The following CNTNAP5 variants were observed in gnomAD, a reference collection of about 807,000 sequenced individuals.
CNTNAP5 encodes the protein contactin associated protein family member 5.
Under a neutral mutation model 150.2 loss-of-function variants are expected in CNTNAP5, and 72 were observed. The observed-to-expected ratio is 0.48, with a 90% CI of 0.40 to 0.58. The LOEUF (loss-of-function observed/expected upper bound fraction) is 0.58. Among genes scored for constraint, CNTNAP5 ranks in the 20% least tolerant of loss-of-function variants. The pLI, the probability that CNTNAP5 is intolerant of heterozygous loss-of-function variation, is 0.00. For synonymous variants in CNTNAP5, 672 were observed against 619.8 expected, an observed-to-expected ratio of 1.08 and a Z score of -1.25; for missense variants, 1,636 against 1,626.2, an observed-to-expected ratio of 1.01 and a Z score of -0.10.
chr2:124,209,112 T>TATC (rs1685939186), intron 1 of CNTNAP5, among the ~76,000 whole-genome samples: 1 of 152,206 alleles, frequency 6.6e-6, no homozygotes, highest in Non-Finnish European at 1.5e-5. Flanking sequence ...GTTTCCATTC[T>TATC]ATCTCACACA....
At chr2:124,590,264 G>A (rs369806501) in intron 11 of CNTNAP5, among the ~76,000 whole-genome samples, 4 of 152,222 alleles carry the variant, frequency 2.6e-5, no homozygotes, top group South Asian at 4.1e-4. Flanking sequence ...TGTTATGGCC[G>A]CACCTGCACT....
chr2:124,818,770 A>T lies in CNTNAP5; in HGVS notation c.3217+20450A>T, dbSNP rs1232665964. Reference sequence around the variant, plus strand: ...GCACCCAGAGCTATCCATTCACAGCATGAGAGACCAACTGCATTTCTCCTC... The same window carrying T: ...GCACCCAGAGCTATCCATTCACAGCTTGAGAGACCAACTGCATTTCTCCTC... On this transcript the variant is annotated intron_variant, in intron 19 of 23. Transcript: ENST00000682447. 2.6e-5 allele frequency among the ~76,000 whole-genome samples: 4 copies of T among 152,102 alleles called. No homozygotes were observed. The East Asian group carries it at 7.8e-4, about 29-fold the overall frequency.
At chr2:124,723,669 T>G (rs1680094650) in intron 13 of CNTNAP5, among the ~76,000 whole-genome samples, 1 of 152,062 alleles carries the variant, frequency 6.6e-6, no homozygotes, top group South Asian at 2.1e-4. Flanking sequence ...GTCAGCAGGG[T>G]TGGTTTTACT....
At chr2:124,713,261 CT>C (rs1351442835) in intron 13 of CNTNAP5, among the ~76,000 whole-genome samples, 29 of 102,792 alleles carry the variant, frequency 2.8e-4, no homozygotes, top group Non-Finnish European at 4.5e-4. Context: ...TTCTTTCTTT[CT>C]TTCTTTCTTT....
intron 1 of CNTNAP5, among the ~76,000 whole-genome samples, chr2:124,080,434 C>T (rs996292408): frequency 6.6e-5 from 10 of 152,104 alleles, no homozygotes; most frequent in African/African-American, 9.7e-5. Context: ...TTATACCTTC[C>T]GGCTCAGAAA....
At chr2:124,411,405 G>T (rs1356963372) in intron 3 of CNTNAP5, among the ~76,000 whole-genome samples, 1 of 151,952 alleles carries the variant, frequency 6.6e-6, no homozygotes, top group Non-Finnish European at 1.5e-5. Flanking sequence ...TGATACCAAA[G>T]CCAGGCAGAG....
intron 1 of CNTNAP5, among the ~76,000 whole-genome samples, chr2:124,027,357 A>G (rs1182013096): frequency 6.6e-6 from 1 of 152,236 alleles, no homozygotes; most frequent in Non-Finnish European, 1.5e-5. Flanking sequence ...CGTGGCAGCA[A>G]GCTAGCTGTG....
chr2:124,256,193 C>T (rs562889477), intron 3 of CNTNAP5, among the ~76,000 whole-genome samples: 23 of 152,146 alleles, frequency 1.5e-4, no homozygotes, highest in African/African-American at 4.3e-4. Context: ...AAAAAACCTT[C>T]GTTCGGATAA....
At chr2:124,713,620 C>T (rs535881288) in intron 13 of CNTNAP5, among the ~76,000 whole-genome samples, 6 of 152,094 alleles carry the variant, frequency 3.9e-5, no homozygotes, top group African/African-American at 1.4e-4. Flanking sequence ...AAGTGATCCA[C>T]CCGCATTGGT....
At chr2:124,375,217 A>G (rs1437756245) in intron 3 of CNTNAP5, among the ~76,000 whole-genome samples, 1 of 152,004 alleles carries the variant, frequency 6.6e-6, no homozygotes, top group East Asian at 1.9e-4. Flanking sequence ...ATGGCCTGAA[A>G]GTATCTCTCC....
intron 1 of CNTNAP5, among the ~76,000 whole-genome samples, chr2:124,194,167 C>G (rs1346433231): frequency 6.6e-6 from 1 of 151,650 alleles, no homozygotes; most frequent in Non-Finnish European, 1.5e-5. Context: ...CCTCTCAACC[C>G]CTCCCCCATT....
chr2:124,176,807 A>C (rs551782866), intron 1 of CNTNAP5, among the ~76,000 whole-genome samples: 86 of 149,470 alleles, frequency 5.8e-4, no homozygotes, highest in Admixed American at 1.3e-3. Context: ...CTAAAATCAG[A>C]CAAAGTAGAT....
chr2:124,800,567 A>G (rs1681946469), intron 19 of CNTNAP5, among the ~76,000 whole-genome samples: 1 of 152,206 alleles, frequency 6.6e-6, no homozygotes, highest in African/African-American at 2.4e-5. Context: ...CATATTCTGT[A>G]TTCTTAACCA....
chr2:124,034,133 G>A (rs912130535), intron 1 of CNTNAP5, among the ~76,000 whole-genome samples: 1 of 152,148 alleles, frequency 6.6e-6, no homozygotes, highest in Non-Finnish European at 1.5e-5. Context: ...ACAGTGAGAA[G>A]GGCATATGTC....
intron 19 of CNTNAP5, among the ~76,000 whole-genome samples, chr2:124,827,480 C>T (rs1279484671): frequency 6.6e-6 from 1 of 152,126 alleles, no homozygotes; most frequent in Admixed American, 6.5e-5. Flanking sequence ...GATGTTTTGT[C>T]CTCCAGCATA....
chr2:124,619,991 C>A (rs1350359280), intron 12 of CNTNAP5, among the ~76,000 whole-genome samples: 8 of 148,696 alleles, frequency 5.4e-5, no homozygotes, highest in Non-Finnish European at 1.0e-4. Context: ...TCTGGACAAC[C>A]CTGACTCATC....
chr2:124,884,195 T>TAC (rs1470455323), intron 21 of CNTNAP5, among the ~76,000 whole-genome samples: 5 of 152,072 alleles, frequency 3.3e-5, no homozygotes, highest in Non-Finnish European at 5.9e-5. Flanking sequence ...TGTAGTCCTG[T>TAC]ACACATGTAT....
intron 3 of CNTNAP5, among the ~76,000 whole-genome samples, chr2:124,264,696 T>C (rs150307229): frequency 6.6e-6 from 1 of 152,332 alleles, no homozygotes; most frequent in Non-Finnish European, 1.5e-5. Context: ...AGGAGGGTCC[T>C]GGCTGATTCC....
chr2:124,883,177 T>G (rs1369242477), intron 21 of CNTNAP5, among the ~76,000 whole-genome samples: 1 of 151,024 alleles, frequency 6.6e-6, no homozygotes, highest in African/African-American at 2.4e-5. Flanking sequence ...TCCTCCCACC[T>G]CAGCCTCTCA....
Sources: allele counts gnomAD v4.1 joint callset (sites outside exome capture counted in the v4.1 genomes callset), GRCh38; gene constraint gnomAD v4.1.1; transcripts MANE v1.5; gene names NCBI Gene and HGNC (gene_info 2026-07-23, HGNC 2026-07-21).